The following IQCH variants were observed in gnomAD, a reference collection of about 807,000 sequenced individuals.
IQCH encodes the protein IQ domain-containing protein H.
IQCH carries 98 observed loss-of-function variants against 117.0 expected under a neutral mutation model. The ratio of observed to expected loss-of-function variants is 0.84; its 90% CI spans 0.71 to 0.99. The LOEUF (loss-of-function observed/expected upper bound fraction) is 0.99. IQCH is among the 50% of genes least tolerant of loss of function. The probability of loss-of-function intolerance (pLI) is 0.00; values close to 1 mark genes in which losing one functional copy is unlikely to be tolerated. For missense variants in IQCH, 1,102 were observed against 1,243.8 expected (o/e 0.89, Z 1.72); for synonymous variants, 412 against 448.2 (o/e 0.92, Z 1.02).
rs1256231288 is a variant in IQCH at position 67,385,347 on chromosome 15, T to C, written c.1456+328T>C. Among the ~76,000 whole-genome samples, 1 of 152,198 alleles carries C rather than the reference T, an allele frequency of 6.6e-6. No homozygotes were observed. Among genetic ancestry groups the C allele is most frequent in the Non-Finnish European group, 1.5e-5 (1 of 68,030 alleles). The stretch of plus-strand genomic sequence containing the variant: ...TCTTACAGTGAGTGAAGTCAAAGTT[T>C]TACATTTGTGTCAGTCTTGTCTCTT... On this transcript the variant is annotated intron_variant, in intron 11 of 20. Coordinates refer to ENST00000335894, the MANE Select transcript of IQCH (RefSeq NM_001031715.3). This position sits in a 1 kb window ranked among gnomAD's most constrained non-coding sequence, Gnocchi z 4.6.
At chr15:67,489,880 C>G in intron 18 of IQCH, 123 bp from the exon 19 acceptor site, 3 of 774,674 alleles carry the variant, frequency 3.9e-6, no homozygotes, top group Non-Finnish European at 6.8e-6. Context: ...CTCATAATAT[C>G]TGAAGGTAGC....
intron 6 of IQCH, among the ~76,000 whole-genome samples, chr15:67,347,194 T>C (rs1180959928): frequency 1.4e-5 from 2 of 139,504 alleles, no homozygotes; most frequent in East Asian, 2.1e-4. Flanking sequence ...GTCAGTGAAA[T>C]GGAAAATAGA....
chr15:67,488,788 G>A (rs1447432993), intron 18 of IQCH, among the ~76,000 whole-genome samples: 1 of 152,118 alleles, frequency 6.6e-6, no homozygotes, highest in Non-Finnish European at 1.5e-5. Context: ...TAGGTTTCCC[G>A]CTCCTAGGAG....
chr15:67,414,404 G>C (rs1174688711), intron 14 of IQCH, among the ~76,000 whole-genome samples: 1 of 152,040 alleles, frequency 6.6e-6, no homozygotes, highest in East Asian at 1.9e-4. Context: ...TGGCTGGAAC[G>C]ACCTCAGGAA....
intron 3 of IQCH, among the ~76,000 whole-genome samples, chr15:67,272,002 TCATTAGG>T (rs1333279278): frequency 7.2e-5 from 11 of 152,244 alleles, no homozygotes; most frequent in African/African-American, 2.6e-4. Flanking sequence ...TGGAGGTGCA[TCATTAGG>T]TTGTGTATTT....
At chr15:67,368,935 G>T (rs1268939330) in intron 8 of IQCH, among the ~76,000 whole-genome samples, 1 of 151,772 alleles carries the variant, frequency 6.6e-6, no homozygotes, top group Non-Finnish European at 1.5e-5. Context: ...ACCCAGGCTG[G>T]AGTGCAGTGG....
At chr15:67,332,270 A>G (rs765670154) in intron 4 of IQCH, among the ~76,000 whole-genome samples, 2 of 152,208 alleles carry the variant, frequency 1.3e-5, no homozygotes, top group African/African-American at 4.8e-5. Flanking sequence ...TTGGATTTCA[A>G]AGACAAAGAA....
intron 8 of IQCH, chr15:67,371,595 C>A: frequency 2.0e-6 from 2 of 986,660 alleles, no homozygotes; most frequent in Non-Finnish European, 3.1e-6. Context: ...GAGAAGATGG[C>A]AGAAGAACTA....
intron 16 of IQCH, among the ~76,000 whole-genome samples, chr15:67,435,288 T>C (rs1667779042): frequency 6.6e-6 from 1 of 151,790 alleles, no homozygotes; most frequent in Non-Finnish European, 1.5e-5. Context: ...CGTATGTCTT[T>C]AAAAAAAAGT....
At chr15:67,271,486 G>T (rs1260636978) in intron 3 of IQCH, among the ~76,000 whole-genome samples, 1 of 152,154 alleles carries the variant, frequency 6.6e-6, no homozygotes, top group African/African-American at 2.4e-5. Context: ...AGTAGAATTG[G>T]TGTTAGTTAT....
chr15:67,452,826 A>G (rs541767641), intron 16 of IQCH, among the ~76,000 whole-genome samples: 6 of 152,304 alleles, frequency 3.9e-5, no homozygotes, highest in Admixed American at 6.5e-5. Flanking sequence ...GTGTTTTCCA[A>G]CTTGGTTCCA....
At chr15:67,468,207 C>T (rs980812178) in intron 17 of IQCH, among the ~76,000 whole-genome samples, 2 of 152,154 alleles carry the variant, frequency 1.3e-5, no homozygotes, top group Admixed American at 6.5e-5. Flanking sequence ...CCCTCCATAC[C>T]ATGGTTGGTG....
intron 16 of IQCH, among the ~76,000 whole-genome samples, chr15:67,437,705 A>G (rs1392672270): frequency 2.6e-5 from 4 of 152,226 alleles, no homozygotes; most frequent in African/African-American, 4.8e-5. Context: ...AGAAAAAACA[A>G]TCAAGAATAC....
intron 6 of IQCH, 64 bp downstream of exon 6, chr15:67,344,255 A>G (rs1969292398): frequency 1.3e-6 from 2 of 1,539,348 alleles, no homozygotes; most frequent in East Asian, 2.3e-5. Context: ...CCCCAGATCT[A>G]GCCTTCTAGT....
At chr15:67,449,909 G>A (rs900956995) in intron 16 of IQCH, among the ~76,000 whole-genome samples, 19 of 152,102 alleles carry the variant, frequency 1.2e-4, no homozygotes, top group Non-Finnish European at 2.4e-4. Context: ...ATTGAACAGT[G>A]GTTTGTAGTT....
At position 67,369,026 on chromosome 15, in the gene IQCH, C is replaced by T. The variant is rs953348105; in HGVS notation, c.754-3085C>T. Among the ~76,000 whole-genome samples, 1 of 152,194 alleles carries T rather than the reference C, an allele frequency of 6.6e-6. No individual in the cohort carries two copies. Among genetic ancestry groups the T allele is most frequent in the African/African-American group, 2.4e-5 (1 of 41,438 alleles). On this transcript the variant is annotated intron_variant, in intron 8 of 20. Transcript: ENST00000335894. This position sits in a 1 kb window ranked among gnomAD's most constrained non-coding sequence, Gnocchi z 5.2. ...TCAGCCTACTGGGTAGCTAGGACTA[C>T]AGCTGCACACCACCACACCCAGCTA...
rs925592729 is a variant in IQCH, at chr15:67,387,845, A to G, written c.1457-986A>G. On this transcript the variant is annotated intron_variant, in intron 11 of 20. Transcript: ENST00000335894. The surrounding 1 kb of genome is among the most constrained non-coding windows in gnomAD (Gnocchi z 4.8). ...TTAATTCAGTCTATGCTCTGTATAT[A>G]TACTCTGCCAAACTGATCAGAGGAG... 1.3e-5 allele frequency among the ~76,000 whole-genome samples: 2 copies of G among 152,304 alleles called. No homozygotes were observed. The highest frequency in any genetic ancestry group is 1.3e-4 in the Admixed American group (2 of 15,294).
At chr15:67,418,664 C>G (rs554966040) in intron 15 of IQCH, among the ~76,000 whole-genome samples, 1 of 151,016 alleles carries the variant, frequency 6.6e-6, no homozygotes, top group Non-Finnish European at 1.5e-5. Context: ...CTGCAACCTC[C>G]GCCTCCTAGG....
chr15:67,289,759 G>T (rs1966689692), intron 4 of IQCH, among the ~76,000 whole-genome samples: 1 of 152,150 alleles, frequency 6.6e-6, no homozygotes, highest in Non-Finnish European at 1.5e-5. Context: ...GTACAAGTCA[G>T]AGAAGATGGG....
Sources: gnomAD v4.1 joint callset for allele counts (sites outside exome capture counted in the v4.1 genomes callset) on GRCh38, gnomAD v4.1.1 for gene constraint, Gnocchi (gnomAD v3.1) non-coding constraint, MANE v1.5 for transcripts, NCBI Gene and HGNC (gene_info 2026-07-23, HGNC 2026-07-21) for gene names.